HERC3: variants seen among roughly 807,000 people sequenced by gnomAD.
HERC3 encodes HECT and RLD domain containing E3 ubiquitin protein ligase 3.
In HERC3, 58 loss-of-function variants were observed where a neutral mutation model predicts 129.9. The ratio of observed to expected loss-of-function variants is 0.45; its 90% CI spans 0.36 to 0.56. The LOEUF (loss-of-function observed/expected upper bound fraction) is 0.56. HERC3 is among the 20% of genes least tolerant of loss of function. The pLI, the probability that HERC3 is intolerant of heterozygous loss-of-function variation, is 0.00. For synonymous variants in HERC3, 430 were observed against 451.0 expected (o/e 0.95, Z 0.59); for missense variants, 835 against 1,244.2 (o/e 0.67, Z 4.95).
the HERC3 span, among the ~76,000 whole-genome samples, chr4:88,549,949 A>T: frequency 2.0e-5 from 3 of 152,182 alleles, no homozygotes; most frequent in African/African-American, 7.2e-5. Flanking sequence ...CGCGAACAGG[A>T]GGAAGAGTCA....
the HERC3 span, among the ~76,000 whole-genome samples, chr4:88,551,180 C>A: frequency 6.6e-6 from 1 of 152,142 alleles, no homozygotes; most frequent in Non-Finnish European, 1.5e-5. Flanking sequence ...ACCATAAAAA[C>A]CCTGGAAGAA....
At chr4:88,632,845 A>T (rs902260342) in intron 3 of HERC3, among the ~76,000 whole-genome samples, 3 of 152,234 alleles carry the variant, frequency 2.0e-5, no homozygotes, top group African/African-American at 7.2e-5. Flanking sequence ...AAAACTGGAA[A>T]GTTTCCAAGT....
the HERC3 span, among the ~76,000 whole-genome samples, chr4:88,567,825 G>A: frequency 5.2e-3 from 792 of 152,232 alleles, 6 homozygotes; most frequent in Middle Eastern, 0.031. Context: ...GTGAGGTCAT[G>A]TTTTCCTGGA....
Position 88,697,586 on chromosome 4 carries a change from TC to T in HERC3, c.2658-6511del, listed in dbSNP as rs1317070658. 1.9e-6 allele frequency: 3 copies of T among 1,613,324 alleles called. No individual in the cohort carries two copies. In the African/African-American group the frequency reaches 4.0e-5, roughly 22 times the overall value. ...GGCTTTGGGGCATTCTCTGCAGGGG[TC>T]TGGGGCTCCTCAGCCATCTGACCAG... On this transcript the variant is annotated intron_variant, in intron 23 of 25. Transcript: ENST00000402738.
At chr4:88,559,878 A>G in the HERC3 span, among the ~76,000 whole-genome samples, 1 of 152,092 alleles carries the variant, frequency 6.6e-6, no homozygotes, top group East Asian at 1.9e-4. Flanking sequence ...TTTCCATAGC[A>G]GCTGTACCAA....
chr4:88,611,472 G>T (rs1294455868), intron 3 of HERC3, among the ~76,000 whole-genome samples: 1 of 152,184 alleles, frequency 6.6e-6, no homozygotes, highest in Non-Finnish European at 1.5e-5. Context: ...GAACATGATG[G>T]AAGGCCCCTT....
intron 3 of HERC3, among the ~76,000 whole-genome samples, chr4:88,649,377 A>AG (rs1729031527): frequency 1.3e-5 from 2 of 152,226 alleles, no homozygotes; most frequent in South Asian, 4.1e-4. Context: ...TCCAGAACTG[A>AG]GGGGAGAAAG....
At chr4:88,557,463 CA>C in the HERC3 span, among the ~76,000 whole-genome samples, 1 of 152,164 alleles carries the variant, frequency 6.6e-6, no homozygotes, top group Non-Finnish European at 1.5e-5. Context: ...CAACCTCTGT[CA>C]CCAATATTTT....
the HERC3 span, among the ~76,000 whole-genome samples, chr4:88,567,805 AGTTT>A: frequency 1.8e-4 from 27 of 152,056 alleles, no homozygotes; most frequent in South Asian, 2.1e-4. Flanking sequence ...TGCCTTATTT[AGTTT>A]GTTTGGTGAG....
chr4:88,693,677 A>C (rs1017504700), intron 23 of HERC3: 1 of 984,328 alleles, frequency 1.0e-6, no homozygotes, highest in South Asian at 4.7e-5. Context: ...TATATGTGTA[A>C]ATGTGTCTAT....
chr4:88,665,641 T>C (rs1730967157), intron 12 of HERC3, among the ~76,000 whole-genome samples: 1 of 152,160 alleles, frequency 6.6e-6, no homozygotes, highest in Non-Finnish European at 1.5e-5. Context: ...ACCAGCTATC[T>C]GGGTATTCCT....
intron 19 of HERC3, among the ~76,000 whole-genome samples, chr4:88,678,822 C>T (rs1391364616): frequency 6.6e-6 from 1 of 152,172 alleles, no homozygotes; most frequent in Admixed American, 6.5e-5. Context: ...TATTTTTACC[C>T]TTTCCAAAAT....
intron 3 of HERC3, among the ~76,000 whole-genome samples, chr4:88,642,863 A>C (rs1001390823): frequency 2.3e-4 from 34 of 150,522 alleles, no homozygotes; most frequent in African/African-American, 8.1e-4. Flanking sequence ...CTGCTATTCA[A>C]CATCATGCTA....
At chr4:88,593,409 A>G (rs1263449608) in intron 1 of HERC3, 1 of 152,350 alleles carries the variant, frequency 6.6e-6, no homozygotes, top group East Asian at 1.9e-4. Flanking sequence ...GAGCATGTGT[A>G]ACCTGAAACA....
rs200666553 is a variant in HERC3, at chr4:88,663,416, CA to C, written c.1272-735del. On this transcript the variant is annotated intron_variant, in intron 11 of 25. Coordinates refer to ENST00000402738, the MANE Select transcript of HERC3 (RefSeq NM_014606.3). The stretch of plus-strand genomic sequence containing the variant: ...GAGATGAGGGCTTGCTGGGGTCCAG[CA>C]AGGGAAATGGTGACACTTTACCATT... Among the ~76,000 whole-genome samples the C allele has an allele frequency of 1.3e-3, 205 of 152,206 alleles. 3 individuals are homozygous for C. The East Asian group carries it at 0.036, about 26-fold the overall frequency.
intron 4 of HERC3, among the ~76,000 whole-genome samples, chr4:88,651,440 C>T (rs899293438): frequency 6.6e-6 from 1 of 152,080 alleles, no homozygotes; most frequent in African/African-American, 2.4e-5. Flanking sequence ...GGTGAATGAC[C>T]TTGGGCAGGT....
At chr4:88,702,708 AT>A (rs1735426314) in intron 23 of HERC3, among the ~76,000 whole-genome samples, 1 of 152,186 alleles carries the variant, frequency 6.6e-6, no homozygotes, top group Non-Finnish European at 1.5e-5. Context: ...GCCTGCACTC[AT>A]CTTCTTGTGC....
At chr4:88,632,851 CA>C (rs1328373648) in intron 3 of HERC3, among the ~76,000 whole-genome samples, 1 of 152,122 alleles carries the variant, frequency 6.6e-6, no homozygotes, top group African/African-American at 2.4e-5. Context: ...GGAAAGTTTC[CA>C]AGTTGGCAGA....
At chr4:88,564,272 G>T in the HERC3 span, among the ~76,000 whole-genome samples, 1 of 152,132 alleles carries the variant, frequency 6.6e-6, no homozygotes, top group Admixed American at 6.5e-5. Flanking sequence ...GTCTTTGTCT[G>T]GTTTTAGTAT....
Sources: allele counts gnomAD v4.1 joint callset (sites outside exome capture counted in the v4.1 genomes callset), GRCh38; gene constraint gnomAD v4.1.1; transcripts MANE v1.5; gene names NCBI Gene and HGNC (gene_info 2026-07-23, HGNC 2026-07-21).